CFAP46: variants seen among roughly 807,000 people sequenced by gnomAD.
The protein encoded by CFAP46 is cilia- and flagella-associated protein 46.
CFAP46 carries 245 observed loss-of-function variants against 325.7 expected under a neutral mutation model. The ratio of observed to expected loss-of-function variants is 0.75; its 90% confidence interval spans 0.68 to 0.84. CFAP46 has a LOEUF of 0.84. Ranked by LOEUF, CFAP46 falls within the 40% of genes least tolerant of loss-of-function variation. CFAP46 has a pLI of 0.00. For synonymous variants in CFAP46, 1,523 were observed against 1,495.9 expected, an observed-to-expected ratio of 1.02 and a Z score of -0.42; for missense variants, 3,346 against 3,543.0, an observed-to-expected ratio of 0.94 and a Z score of 1.41.
chr10:132,871,446 TG>T (rs1422104890), intron 32 of CFAP46, among the ~76,000 whole-genome samples: 6 of 152,240 alleles, frequency 3.9e-5, no homozygotes, highest in African/African-American at 1.4e-4. Context: ...GAAAACCTTC[TG>T]GAAAGGATTC....
chr10:132,831,762 C>G (rs978838492), intron 50 of CFAP46, among the ~76,000 whole-genome samples: 1 of 152,126 alleles, frequency 6.6e-6, no homozygotes, highest in East Asian at 1.9e-4. Context: ...AATATACTAT[C>G]TTGCTATTTG....
At chr10:132,862,673 G>A (rs1564782860) in intron 35 of CFAP46, among the ~76,000 whole-genome samples, 1 of 151,924 alleles carries the variant, frequency 6.6e-6, no homozygotes, top group Non-Finnish European at 1.5e-5. Flanking sequence ...CAAGGCCACT[G>A]TGTGGGTGGG....
At chr10:132,816,941 A>G (rs990998025) in intron 50 of CFAP46, among the ~76,000 whole-genome samples, 1 of 152,072 alleles carries the variant, frequency 6.6e-6, no homozygotes, top group Non-Finnish European at 1.5e-5. Flanking sequence ...TTTGCTTCTC[A>G]ATTTTGTGAT....
chr10:132,912,491 TCTTTCACCTCTCTCTCCTCTC>T, intron 19 of CFAP46, among the ~76,000 whole-genome samples, 143 bp downstream of exon 19: 1 of 78,452 alleles, frequency 1.3e-5, no homozygotes, highest in Non-Finnish European at 2.8e-5. Flanking sequence ...CTCTCTCTCC[TCTTTCACCTCTCTCTCCTCTC>T]CTCTCTCTCT....
intron 50 of CFAP46, among the ~76,000 whole-genome samples, chr10:132,820,904 CTG>C (rs761421641): frequency 1.4e-3 from 108 of 75,438 alleles, no homozygotes; most frequent in South Asian, 2.6e-3. Flanking sequence ...CTGATGTGTG[CTG>C]TGTGTGTGCT....
At chr10:132,819,169 T>C (rs571474821) in intron 50 of CFAP46, among the ~76,000 whole-genome samples, 28 of 152,188 alleles carry the variant, frequency 1.8e-4, no homozygotes, top group Non-Finnish European at 3.7e-4. Flanking sequence ...TCAGAACGAA[T>C]AAAATACTTA....
Position 132,876,979 on chromosome 10 carries a change from C to T in CFAP46, c.4213-18G>A. On this transcript the variant is annotated intron_variant, in intron 30 of 57. Coordinates refer to ENST00000368586, the MANE Select transcript of CFAP46 (RefSeq NM_001200049.3). This position sits in a 1 kb window ranked among gnomAD's most constrained non-coding sequence, Gnocchi z 4.1. ...CTTTGAGACTAGAAAGGCAAGAATA[C>T]AGGATTTACCTGAAACGGTGGAGGT... 3 of 1,546,958 alleles carry T rather than the reference C, an allele frequency of 1.9e-6. No individual in the cohort carries two copies. Among genetic ancestry groups the T allele is most frequent in the East Asian group, 2.4e-5 (1 of 40,878 alleles).
chr10:132,909,850 C>A, intron 20 of CFAP46, 69 bp downstream of exon 20: 1 of 1,343,112 alleles, frequency 7.4e-7, no homozygotes, highest in Non-Finnish European at 9.6e-7. Context: ...CCCCACCACC[C>A]CCGGCTGTCT....
At position 132,817,916 on chromosome 10, in the gene CFAP46, C is replaced by A. The variant is rs1458818752; in HGVS notation, c.7118-3002G>T. 2.6e-5 allele frequency among the ~76,000 whole-genome samples: 4 copies of A among 152,220 alleles called. No individual in the cohort carries two copies. The highest frequency in any genetic ancestry group is 2.9e-5 in the Non-Finnish European group (2 of 68,040). ...TGGAGGCTCCCGGGGAGAATCCTCT[C>A]CTGGCTCCTGGCCACGCCCTCCATC... On this transcript the variant is annotated intron_variant, in intron 50 of 57. Coordinates refer to ENST00000368586, the MANE Select transcript of CFAP46 (RefSeq NM_001200049.3). The surrounding 1 kb of genome is among the most constrained non-coding windows in gnomAD (Gnocchi z 4.4).
At chr10:132,871,034 C>T (rs1221521476) in intron 32 of CFAP46, among the ~76,000 whole-genome samples, 1 of 152,182 alleles carries the variant, frequency 6.6e-6, no homozygotes, top group African/African-American at 2.4e-5. Flanking sequence ...TCCTCATTCA[C>T]CATTCTGAAA....
chr10:132,822,926 T>C (rs911404347), intron 50 of CFAP46, among the ~76,000 whole-genome samples: 11 of 139,358 alleles, frequency 7.9e-5, no homozygotes, highest in Non-Finnish European at 1.7e-4. Context: ...TGCTGATGTG[T>C]GCTGATGTGT....
chr10:132,825,629 C>G (rs1277425108), intron 50 of CFAP46, among the ~76,000 whole-genome samples: 1 of 152,168 alleles, frequency 6.6e-6, no homozygotes, highest in Non-Finnish European at 1.5e-5. Context: ...ATAAATTAGA[C>G]TATAATAACA....
chr10:132,879,404 G>A (rs1216073167), intron 29 of CFAP46, 22 bp downstream of exon 29: 1 of 1,473,620 alleles, frequency 6.8e-7, no homozygotes, highest in African/African-American at 1.4e-5. Flanking sequence ...GCAGGAGCAG[G>A]GGAGTCTGCG....
chr10:132,808,565 G>A lies in CFAP46; in HGVS notation c.8004C>T (p.Cys2668=). Reference sequence around the variant, plus strand: ...GACGCAGACCCCATGGCGCACACAGGCAGGCAGAGCTCGAGGTCCAGGCGG... The same window carrying A: ...GACGCAGACCCCATGGCGCACACAGACAGGCAGAGCTCGAGGTCCAGGCGG... ...KAAAWTSSSA[C]LCAPWGLRRG... is the part of the protein sequence containing the mutation. The change falls in exon 58 of 58, where the codon TGC becomes TGT. Residue 2668 remains cysteine (C), a synonymous_variant. Transcript: ENST00000368586. This position sits in a 1 kb window ranked among gnomAD's most constrained non-coding sequence, Gnocchi z 6.8. 1 of 1,612,930 alleles carries A rather than the reference G, an allele frequency of 6.2e-7. No individual in the cohort carries two copies. Among genetic ancestry groups the A allele is most frequent in the Non-Finnish European group, 8.5e-7 (1 of 1,179,910 alleles).
intron 50 of CFAP46, among the ~76,000 whole-genome samples, chr10:132,820,751 T>A (rs1591032035): frequency 7.6e-6 from 1 of 131,704 alleles, no homozygotes; most frequent in South Asian, 3.1e-4. Flanking sequence ...GTGTGCTGTG[T>A]GTGCTGATGT....
chr10:132,821,360 GTGTGC>G (rs1847819019), intron 50 of CFAP46, among the ~76,000 whole-genome samples: 2 of 139,594 alleles, frequency 1.4e-5, no homozygotes, highest in South Asian at 2.5e-4. Context: ...TGTGTGCTGT[GTGTGC>G]TGTGTGCTGT....
At position 132,934,859 on chromosome 10, in the gene CFAP46, T is replaced by C; in HGVS notation, c.759A>G (p.Lys253=). 1 of 1,584,460 alleles carries C rather than the reference T, an allele frequency of 6.3e-7. No individual in the cohort carries two copies. The highest frequency in any genetic ancestry group is 1.1e-5 in the South Asian group (1 of 90,134). The change falls in exon 8 of 58, where the codon AAA becomes AAG. Residue 253 remains lysine, a synonymous_variant. Transcript: ENST00000368586. ...CACCTGGTAAATCATTTTGCTCCGC[T>C]TTTCTAGAAATAATTCAGAGAGTAA... ...VTFYINMLKA[K]AEQNDLPGDI... is the part of the protein sequence containing the mutation.
chr10:132,902,729 C>T (rs1253549680), intron 22 of CFAP46, among the ~76,000 whole-genome samples: 1 of 152,204 alleles, frequency 6.6e-6, no homozygotes, highest in Non-Finnish European at 1.5e-5. Flanking sequence ...GTCGTGAGGG[C>T]TCTGCTGCTG....
chr10:132,916,831 G>T, intron 16 of CFAP46, 149 bp from the exon 17 acceptor site: 2 of 1,170,880 alleles, frequency 1.7e-6, no homozygotes, highest in Non-Finnish European at 1.1e-6. Context: ...TGCAAGCTGG[G>T]CCTGCCCCAA....
Sources: gnomAD v4.1 joint callset for allele counts (sites outside exome capture counted in the v4.1 genomes callset) on GRCh38, gnomAD v4.1.1 for gene constraint, Gnocchi (gnomAD v3.1) non-coding constraint, MANE v1.5 for transcripts, NCBI Gene and HGNC (gene_info 2026-07-23, HGNC 2026-07-21) for gene names.